Variants in HPSE2 observed in about 807,000 individuals in gnomAD.
HPSE2 encodes heparanase 2 (inactive).
HPSE2 carries 38 observed loss-of-function variants against 60.5 expected under a neutral mutation model. The ratio of observed to expected loss-of-function variants is 0.63; its 90% confidence interval spans 0.48 to 0.82. The LOEUF is 0.82. Ranked by LOEUF, HPSE2 falls within the 40% of genes least tolerant of loss-of-function variation. The probability of loss-of-function intolerance (pLI) is 0.00; values close to 1 mark genes in which losing one functional copy is unlikely to be tolerated. For synonymous variants in HPSE2, 295 were observed against 293.2 expected, an observed-to-expected ratio of 1.01 and a Z score of -0.06; for missense variants, 713 against 740.4, an observed-to-expected ratio of 0.96 and a Z score of 0.43.
At chr10:98,467,576 T>C (rs1940593214) in intron 11 of HPSE2, among the ~76,000 whole-genome samples, 1 of 152,102 alleles carries the variant, frequency 6.6e-6, no homozygotes, top group South Asian at 2.1e-4. Context: ...GCTTGAGTTA[T>C]CAGCTCCCTT....
At chr10:98,520,786 C>T (rs569510343) in intron 9 of HPSE2, among the ~76,000 whole-genome samples, 1 of 152,112 alleles carries the variant, frequency 6.6e-6, no homozygotes, top group Admixed American at 6.5e-5. Context: ...GGTACCAAAA[C>T]AGATGTACAG....
At chr10:99,021,299 A>G (rs2135426076) in intron 3 of HPSE2, among the ~76,000 whole-genome samples, 1 of 152,354 alleles carries the variant, frequency 6.6e-6, no homozygotes, top group Admixed American at 6.5e-5. Flanking sequence ...TGAATGCATT[A>G]TTAACCCTAA....
intron 9 of HPSE2, among the ~76,000 whole-genome samples, chr10:98,555,346 T>C (rs1364805416): frequency 6.6e-6 from 1 of 152,196 alleles, no homozygotes; most frequent in Admixed American, 6.5e-5. Flanking sequence ...TGTTTGCACA[T>C]TCTGCCTTTT....
chr10:98,709,886 G>C (rs891293257), intron 5 of HPSE2, among the ~76,000 whole-genome samples: 2 of 146,936 alleles, frequency 1.4e-5, no homozygotes, highest in African/African-American at 5.4e-5. Flanking sequence ...TCTGATTTCT[G>C]AATTTTGCTC....
rs143397784 is a variant in HPSE2 at position 98,771,314 on chromosome 10, C to T, written c.611-27258G>A. Among the ~76,000 whole-genome samples the T allele has an allele frequency of 1.9e-3, 290 of 152,208 alleles. 1 individual carries two copies. Among genetic ancestry groups the T allele is most frequent in the Admixed American group, 3.9e-3 (59 of 15,282 alleles). On this transcript the variant is annotated intron_variant, in intron 3 of 11. Coordinates refer to ENST00000370552, the MANE Select transcript of HPSE2 (RefSeq NM_021828.5). ...GGGCTATATTGGAAAAACCCAGTAC[C>T]CTGAAATATGAGATAGGCCCATTTA...
At chr10:99,083,678 T>C (rs1033285406) in intron 3 of HPSE2, among the ~76,000 whole-genome samples, 14 of 152,192 alleles carry the variant, frequency 9.2e-5, no homozygotes, top group African/African-American at 3.1e-4. Context: ...AGATCAGAAA[T>C]CTTGGTTTTA....
chr10:98,577,413 G>A (rs1564982861), intron 9 of HPSE2, among the ~76,000 whole-genome samples: 1 of 152,068 alleles, frequency 6.6e-6, no homozygotes, highest in Non-Finnish European at 1.5e-5. Context: ...AAGCTACAAA[G>A]TGAATAACCC....
intron 2 of HPSE2, among the ~76,000 whole-genome samples, chr10:99,220,482 G>A (rs544885214): frequency 2.0e-5 from 3 of 152,144 alleles, no homozygotes; most frequent in Admixed American, 6.5e-5. Context: ...AGGTCAGACT[G>A]TTGAAAGTGG....
At chr10:98,580,823 T>TA in intron 9 of HPSE2, among the ~76,000 whole-genome samples, 1 of 109,106 alleles carries the variant, frequency 9.2e-6, no homozygotes. Context: ...TGTGCTTGGT[T>TA]TTATATATAT....
intron 3 of HPSE2, among the ~76,000 whole-genome samples, chr10:98,874,078 T>G (rs1419268494): frequency 6.6e-6 from 1 of 152,100 alleles, no homozygotes; most frequent in East Asian, 1.9e-4. Context: ...TCAATTTTTT[T>G]AAGTTCCTTG....
chr10:98,756,992 T>C (rs1386050154), intron 3 of HPSE2, among the ~76,000 whole-genome samples: 1 of 152,152 alleles, frequency 6.6e-6, no homozygotes, highest in Non-Finnish European at 1.5e-5. Context: ...CACAATCAAG[T>C]AGGCTTTATT....
At chr10:99,125,059 C>A (rs1008919163) in intron 3 of HPSE2, among the ~76,000 whole-genome samples, 2 of 152,344 alleles carry the variant, frequency 1.3e-5, no homozygotes, top group Admixed American at 1.3e-4. Flanking sequence ...AAGCACTCAG[C>A]AAATGCTGTT....
intron 3 of HPSE2, among the ~76,000 whole-genome samples, chr10:99,121,491 G>C: frequency 6.6e-6 from 1 of 151,778 alleles, no homozygotes; most frequent in East Asian, 1.9e-4. Flanking sequence ...TAAAAAAAGT[G>C]TTTAACTTAA....
intron 9 of HPSE2, among the ~76,000 whole-genome samples, chr10:98,515,663 T>G (rs1942578729): frequency 6.6e-6 from 1 of 152,190 alleles, no homozygotes; most frequent in Non-Finnish European, 1.5e-5. Flanking sequence ...TACAGAGCAT[T>G]TTCTTTTTAA....
chr10:98,562,986 C>T (rs763882164), intron 9 of HPSE2, among the ~76,000 whole-genome samples: 1 of 151,958 alleles, frequency 6.6e-6, no homozygotes, highest in African/African-American at 2.4e-5. Context: ...AACAAACAAA[C>T]AAACAAACCC....
At chr10:98,620,218 C>G (rs1946035450) in intron 8 of HPSE2, among the ~76,000 whole-genome samples, 1 of 152,180 alleles carries the variant, frequency 6.6e-6, no homozygotes, top group Admixed American at 6.5e-5. Context: ...CCAGTTCCAT[C>G]AATCATATTT....
chr10:99,146,769 G>A (rs1396051649), intron 2 of HPSE2, among the ~76,000 whole-genome samples: 2 of 152,208 alleles, frequency 1.3e-5, no homozygotes, highest in Non-Finnish European at 2.9e-5. Context: ...GCTGAGGCAG[G>A]AGAATTACTT....
the HPSE2 span, among the ~76,000 whole-genome samples, chr10:99,244,993 C>G: frequency 2.0e-5 from 3 of 152,050 alleles, no homozygotes; most frequent in Non-Finnish European, 2.9e-5. Context: ...TCTAATACTT[C>G]TAGTCCTTTT....
chr10:98,929,813 A>G lies in HPSE2; in HGVS notation c.611-185757T>C, dbSNP rs1473897761. The stretch of plus-strand genomic sequence containing the variant: ...CTGAGAATTATTTTTACATTTTTTA[A>G]TGGTTGAAAAAAGTGAATATTTCAT... On this transcript the variant is annotated intron_variant, in intron 3 of 11. Transcript: ENST00000370552. 6.9e-5 allele frequency among the ~76,000 whole-genome samples: 10 copies of G among 144,074 alleles called. 3 individuals are homozygous for G. The highest frequency in any genetic ancestry group is 6.9e-4 in the Admixed American group (10 of 14,498). The allele number at this position is 144,074 out of a possible 152,430, so 94.5% of individuals were successfully genotyped here.
Sources: gnomAD v4.1 joint callset for allele counts (sites outside exome capture counted in the v4.1 genomes callset) on GRCh38, gnomAD v4.1.1 for gene constraint, MANE v1.5 for transcripts, NCBI Gene and HGNC (gene_info 2026-07-23, HGNC 2026-07-21) for gene names.